WHRN: variants seen among roughly 807,000 people sequenced by gnomAD.
WHRN encodes the protein CASK-interacting protein CIP98.
Under a neutral mutation model 68.3 loss-of-function variants are expected in WHRN, and 41 were observed. The ratio of observed to expected loss-of-function variants is 0.60; its 90% CI spans 0.47 to 0.78. WHRN has a LOEUF of 0.78. WHRN is among the 30% of genes least tolerant of loss of function. The pLI is 0.00. For missense variants in WHRN, 1,243 were observed against 1,244.7 expected (o/e 1.00, Z 0.02); for synonymous variants, 560 against 561.3 (o/e 1.00, Z 0.03).
At chr9:114,451,831 T>C (rs1431964583) in intron 3 of WHRN, among the ~76,000 whole-genome samples, 3 of 152,250 alleles carry the variant, frequency 2.0e-5, no homozygotes, top group Admixed American at 6.5e-5. Context: ...TCCCAGCTCT[T>C]CTTCCTATTA....
intron 1 of WHRN, 123 bp downstream of exon 1, chr9:114,504,061 A>C: frequency 5.1e-6 from 7 of 1,385,396 alleles, no homozygotes; most frequent in South Asian, 1.3e-5. Flanking sequence ...AAGTATTAAA[A>C]AAAAAAAAAA....
At chr9:114,425,529 T>G in intron 4 of WHRN, 1 of 294,622 alleles carries the variant, frequency 3.4e-6, no homozygotes, top group African/African-American at 2.2e-5. Flanking sequence ...TTCTAGATGT[T>G]GGCAAGTAAC....
chr9:114,493,697 G>C (rs1423564821), intron 1 of WHRN, among the ~76,000 whole-genome samples: 1 of 152,216 alleles, frequency 6.6e-6, no homozygotes, highest in Non-Finnish European at 1.5e-5. Flanking sequence ...GGCATGGTGA[G>C]AGAGATAAGA....
At chr9:114,432,039 G>A (rs1022529621) in intron 3 of WHRN, among the ~76,000 whole-genome samples, 7 of 152,208 alleles carry the variant, frequency 4.6e-5, no homozygotes, top group Admixed American at 3.9e-4. Flanking sequence ...GGAGGACAAG[G>A]AAAGATAAAC....
chr9:114,498,828 T>C (rs1272714495), intron 1 of WHRN, among the ~76,000 whole-genome samples: 2 of 152,102 alleles, frequency 1.3e-5, no homozygotes, highest in Non-Finnish European at 2.9e-5. Context: ...TTCCATCTCC[T>C]TGAGCATGAC....
At chr9:114,409,038 C>T (rs1564119145) in intron 7 of WHRN, among the ~76,000 whole-genome samples, 1 of 152,220 alleles carries the variant, frequency 6.6e-6, no homozygotes, top group South Asian at 2.1e-4. Context: ...CCCTGGGCCT[C>T]CGACTTGCAG....
intron 1 of WHRN, among the ~76,000 whole-genome samples, chr9:114,484,068 T>TGGGG (rs975718529): frequency 6.6e-6 from 1 of 152,218 alleles, no homozygotes; most frequent in Non-Finnish European, 1.5e-5. Flanking sequence ...ATCCAGAGCC[T>TGGGG]GGGGGCTCTG....
At chr9:114,473,496 G>A (rs906778502) in intron 2 of WHRN, among the ~76,000 whole-genome samples, 3 of 152,200 alleles carry the variant, frequency 2.0e-5, no homozygotes, top group African/African-American at 2.4e-5. Context: ...ATTCATGCAG[G>A]CTCTCCAGGC....
chr9:114,422,647 A>G (rs954642833), intron 7 of WHRN, among the ~76,000 whole-genome samples: 4 of 152,132 alleles, frequency 2.6e-5, no homozygotes, highest in Non-Finnish European at 5.9e-5. Context: ...CAGCCTGGCT[A>G]ACATGGCAAA....
In WHRN at chr9:114,426,398, G is replaced by A; in HGVS notation, c.979C>T (p.Leu327=). Residue 327 remains leucine (L), a synonymous_variant, in exon 4 of 12, where the codon CTA becomes TTA. Coordinates refer to ENST00000362057, the MANE Select transcript of WHRN (RefSeq NM_015404.4). ...AGAAAGCTCCGCCCATTCACTTCTA[G>A]AATCTGGTCCCCAACCTGCCAAGAT... ...GSGLKVGDQI[L]EVNGRSFLNI... The A allele has an allele frequency of 6.2e-7, 1 of 1,613,338 alleles. No individual in the cohort carries two copies. The highest frequency in any genetic ancestry group is 8.5e-7 in the Non-Finnish European group (1 of 1,179,856).
At chr9:114,490,520 G>T (rs192126221) in intron 1 of WHRN, among the ~76,000 whole-genome samples, 18 of 151,052 alleles carry the variant, frequency 1.2e-4, no homozygotes, top group Admixed American at 1.1e-3. Context: ...TAAAGAAAAA[G>T]TTTTTTTTAA....
chr9:114,434,088 A>C lies in WHRN; in HGVS notation c.964-7675T>G, dbSNP rs1025206183. Among the ~76,000 whole-genome samples, 124 of 152,292 alleles carry C rather than the reference A, an allele frequency of 8.1e-4. 1 individual carries two copies. Among genetic ancestry groups the C allele is most frequent in the Admixed American group, 1.9e-3 (29 of 15,294 alleles). ...CTTCCCAAAGGAAAATCTGGCTTCC[A>C]AAGTAAACAGAGAAATTACAGAGGT... is the stretch of plus-strand genomic sequence containing the variant. On this transcript the variant is annotated intron_variant, in intron 3 of 11. Coordinates refer to ENST00000362057, the MANE Select transcript of WHRN (RefSeq NM_015404.4).
intron 3 of WHRN, among the ~76,000 whole-genome samples, chr9:114,428,030 A>G (rs1837040872): frequency 6.6e-6 from 1 of 152,234 alleles, no homozygotes. Flanking sequence ...TAGGAATTAA[A>G]AAAATCATCA....
At chr9:114,425,118 G>T in intron 4 of WHRN, 94 bp from the exon 5 acceptor site, 1 of 1,294,218 alleles carries the variant, frequency 7.7e-7, no homozygotes, top group Middle Eastern at 1.8e-4. Flanking sequence ...GAAGAGCAAA[G>T]CTTCAAGAGA....
At chr9:114,453,923 T>C (rs530232449) in intron 3 of WHRN, among the ~76,000 whole-genome samples, 2 of 152,242 alleles carry the variant, frequency 1.3e-5, no homozygotes, top group African/African-American at 2.4e-5. Context: ...CCACAAAACA[T>C]TGGCAAATCA....
intron 2 of WHRN, among the ~76,000 whole-genome samples, chr9:114,471,171 G>A (rs761167717): frequency 2.0e-5 from 3 of 152,068 alleles, no homozygotes; most frequent in Non-Finnish European, 4.4e-5. Flanking sequence ...AGAAGCAGCC[G>A]GGCCCAGTGA....
intron 7 of WHRN, among the ~76,000 whole-genome samples, chr9:114,419,483 G>A (rs1201791372): frequency 6.6e-6 from 1 of 152,218 alleles, no homozygotes; most frequent in Non-Finnish European, 1.5e-5. Flanking sequence ...GGGTAACTGG[G>A]AAACCTGTAC....
rs1344680375 is a variant in WHRN, at chr9:114,402,230, G to A, written c.*524C>T. On this transcript the variant is annotated 3_prime_UTR_variant, in exon 12 of 12. Coordinates refer to ENST00000362057, the MANE Select transcript of WHRN (RefSeq NM_015404.4). ...TTGGGGTCCCCAGGGGCATGGGGAG[G>A]GAAATAAATAATAAACACCATGGGG... 5.9e-6 allele frequency: 1 copy of A among 169,984 alleles called. No individual in the cohort carries two copies. Among genetic ancestry groups the A allele is most frequent in the African/African-American group, 2.4e-5 (1 of 41,886 alleles). 10.5% of individuals were successfully genotyped at this position (169,984 alleles called of 1,614,324 possible).
At chr9:114,463,075 A>C (rs1840377880) in intron 3 of WHRN, among the ~76,000 whole-genome samples, 1 of 152,218 alleles carries the variant, frequency 6.6e-6, no homozygotes, top group Non-Finnish European at 1.5e-5. Flanking sequence ...CATTTATGTC[A>C]CCAAGGACAC....
Sources: gnomAD v4.1 joint callset for allele counts (sites outside exome capture counted in the v4.1 genomes callset) on GRCh38, gnomAD v4.1.1 for gene constraint, MANE v1.5 for transcripts, NCBI Gene and HGNC (gene_info 2026-07-23, HGNC 2026-07-21) for gene names.